The following PLCB1 variants were observed in gnomAD, a reference collection of about 807,000 sequenced individuals.
The protein encoded by PLCB1 is 1-phosphatidylinositol 4,5-bisphosphate phosphodiesterase beta-1.
Under a neutral mutation model 161.8 loss-of-function variants are expected in PLCB1, and 46 were observed. That is an observed-to-expected ratio of 0.28 (90% CI 0.22 to 0.36). The LOEUF is 0.36. Ranked by LOEUF, PLCB1 falls within the 10% of genes least tolerant of loss-of-function variation. The pLI is 1.00. For synonymous variants in PLCB1, 517 were observed against 503.7 expected, an observed-to-expected ratio of 1.03 and a Z score of -0.35; for missense variants, 1,016 against 1,472.5, an observed-to-expected ratio of 0.69 and a Z score of 5.07.
chr20:8,583,428 C>T (rs2123085578), intron 3 of PLCB1, among the ~76,000 whole-genome samples: 1 of 152,148 alleles, frequency 6.6e-6, no homozygotes, highest in Admixed American at 6.5e-5. Context: ...ACATAAAATA[C>T]AAAATAAATA....
At chr20:8,534,744 T>C (rs1391512934) in intron 3 of PLCB1, among the ~76,000 whole-genome samples, 1 of 152,034 alleles carries the variant, frequency 6.6e-6, no homozygotes, top group Non-Finnish European at 1.5e-5. Context: ...CTCTTTGGAA[T>C]TGAGGAAGGG....
chr20:8,465,012 T>G (rs533039517), intron 3 of PLCB1, among the ~76,000 whole-genome samples: 1 of 152,352 alleles, frequency 6.6e-6, no homozygotes, highest in African/African-American at 2.4e-5. Context: ...TACTTCTTCC[T>G]TAATCATATT....
chr20:8,718,024 TTGGTGGCCAACA>T (rs1221359147), intron 14 of PLCB1, among the ~76,000 whole-genome samples, 176 bp downstream of exon 14: 1 of 151,934 alleles, frequency 6.6e-6, no homozygotes, highest in Non-Finnish European at 1.5e-5. Flanking sequence ...CCCCGTGTCT[TTGGTGGCCAACA>T]TGGTGAAATC....
At chr20:8,723,971 A>T (rs1979788859) in intron 15 of PLCB1, among the ~76,000 whole-genome samples, 1 of 151,414 alleles carries the variant, frequency 6.6e-6, no homozygotes, top group Admixed American at 6.6e-5. Context: ...GTGGTCACCT[A>T]CCTAACAATT....
At chr20:8,207,016 A>G (rs1465527281) in intron 2 of PLCB1, among the ~76,000 whole-genome samples, 1 of 143,448 alleles carries the variant, frequency 7.0e-6, no homozygotes, top group African/African-American at 2.6e-5. Context: ...TGATATAAAT[A>G]TGTAAAATAT....
At chr20:8,250,937 C>T (rs1981108510) in intron 2 of PLCB1, among the ~76,000 whole-genome samples, 1 of 151,950 alleles carries the variant, frequency 6.6e-6, no homozygotes, top group African/African-American at 2.4e-5. Flanking sequence ...AAGATATGTA[C>T]TCTGATTGTC....
chr20:8,467,511 T>C (rs1568687395), intron 3 of PLCB1, among the ~76,000 whole-genome samples: 1 of 152,182 alleles, frequency 6.6e-6, no homozygotes, highest in Non-Finnish European at 1.5e-5. Flanking sequence ...TAAGCTATTA[T>C]GGAATTGTGC....
intron 31 of PLCB1, among the ~76,000 whole-genome samples, chr20:8,872,856 G>A (rs1038822748): frequency 8.6e-5 from 13 of 152,024 alleles, no homozygotes; most frequent in Non-Finnish European, 1.3e-4. Flanking sequence ...TCCAACACCC[G>A]GCATCCTGAG....
intron 19 of PLCB1, among the ~76,000 whole-genome samples, chr20:8,734,621 T>C (rs1386806613): frequency 6.6e-6 from 1 of 152,072 alleles, no homozygotes; most frequent in Non-Finnish European, 1.5e-5. Flanking sequence ...TAAATTTTTT[T>C]AGTCTTTGAA....
chr20:8,764,827 C>T (rs953727164), intron 25 of PLCB1, among the ~76,000 whole-genome samples: 1 of 152,170 alleles, frequency 6.6e-6, no homozygotes, highest in Non-Finnish European at 1.5e-5. Context: ...TCCTGGCTCC[C>T]CTACTCTGAG....
chr20:8,431,297 C>T (rs1447457914), intron 3 of PLCB1, among the ~76,000 whole-genome samples: 1 of 152,046 alleles, frequency 6.6e-6, no homozygotes, highest in Non-Finnish European at 1.5e-5. Context: ...TGGACACAAG[C>T]CTTAATTATG....
In PLCB1 at chr20:8,717,259, A is replaced by T. The variant is rs373573913; in HGVS notation, c.1336-412A>T. 2.0e-5 allele frequency among the ~76,000 whole-genome samples: 3 copies of T among 152,268 alleles called. No individual in the cohort carries two copies. The East Asian group carries it at 5.8e-4, about 29-fold the overall frequency. ...TCTGAAAAAATGATTTCATGGGCTCACCTGGAAGCTTCTGCCCGTCTTTAC... is the reference window on the plus strand; with the variant it reads ...TCTGAAAAAATGATTTCATGGGCTCTCCTGGAAGCTTCTGCCCGTCTTTAC... On this transcript the variant is annotated intron_variant, in intron 13 of 31. Coordinates refer to ENST00000338037, the MANE Select transcript of PLCB1 (RefSeq NM_015192.4).
At chr20:8,241,233 A>C (rs1980594319) in intron 2 of PLCB1, among the ~76,000 whole-genome samples, 1 of 151,980 alleles carries the variant, frequency 6.6e-6, no homozygotes, top group African/African-American at 2.4e-5. Context: ...CTACTTGAAA[A>C]ATTAAGCCTC....
intron 9 of PLCB1, among the ~76,000 whole-genome samples, chr20:8,663,597 A>G (rs1422570113): frequency 6.6e-6 from 1 of 152,138 alleles, no homozygotes; most frequent in Non-Finnish European, 1.5e-5. Flanking sequence ...TATATTGGTT[A>G]TAAATAATCA....
At position 8,747,473 on chromosome 20, in the gene PLCB1, G is replaced by C. The variant is rs536650618; in HGVS notation, c.2523+5900G>C. 3.3e-5 allele frequency among the ~76,000 whole-genome samples: 5 copies of C among 152,344 alleles called. No individual in the cohort carries two copies. In the East Asian group the frequency reaches 9.6e-4, roughly 29 times the overall value. ...TTTCATCCTGCAAGTGGAAGTGTGT[G>C]AGTGGTCTTCGTGTAATATTGATGT... On this transcript the variant is annotated intron_variant, in intron 23 of 31. Transcript: ENST00000338037.
intron 2 of PLCB1, among the ~76,000 whole-genome samples, chr20:8,303,719 A>T (rs928540538): frequency 6.6e-6 from 1 of 152,022 alleles, no homozygotes. Flanking sequence ...CACCCTGTGC[A>T]TTGTTGCTGA....
intron 31 of PLCB1, among the ~76,000 whole-genome samples, chr20:8,856,065 G>A (rs1194818831): frequency 6.6e-6 from 1 of 151,954 alleles, no homozygotes; most frequent in African/African-American, 2.4e-5. Context: ...CTCCCCCTCT[G>A]GTACCCTGGC....
intron 2 of PLCB1, among the ~76,000 whole-genome samples, chr20:8,169,537 C>G (rs1191600558): frequency 6.6e-6 from 1 of 152,102 alleles, no homozygotes; most frequent in Non-Finnish European, 1.5e-5. Context: ...TGAATCTGAA[C>G]TAGGACAGGT....
intron 9 of PLCB1, among the ~76,000 whole-genome samples, chr20:8,661,050 G>C (rs1989608082): frequency 6.6e-6 from 1 of 152,130 alleles, no homozygotes; most frequent in Non-Finnish European, 1.5e-5. Context: ...AGAAGAATCT[G>C]GGCCTGTGTA....
Sources: gnomAD v4.1 joint callset for allele counts (sites outside exome capture counted in the v4.1 genomes callset) on GRCh38, gnomAD v4.1.1 for gene constraint, MANE v1.5 for transcripts, NCBI Gene and HGNC (gene_info 2026-07-23, HGNC 2026-07-21) for gene names.